The following MESD variants were observed in gnomAD, a reference collection of about 807,000 sequenced individuals.
MESD encodes the protein mesoderm development LRP chaperone, also known as LRP chaperone MESD.
A neutral mutation model predicts 12.9 loss-of-function variants in MESD; 7 were observed. The ratio of observed to expected loss-of-function variants is 0.54; its 90% CI spans 0.31 to 1.02. The LOEUF is 1.02. Ranked by LOEUF, MESD falls within the 50% of genes least tolerant of loss-of-function variation. The pLI is 0.05. For missense variants in MESD, 342 were observed against 296.7 expected (o/e 1.15, Z -1.12); for synonymous variants, 126 against 115.6 (o/e 1.09, Z -0.58).
chr15:80,957,958 C>T (rs574296905), intron 3 of MESD, among the ~76,000 whole-genome samples: 27 of 142,672 alleles, frequency 1.9e-4, no homozygotes, highest in African/African-American at 5.9e-4. Context: ...GAAACATTCT[C>T]ACTGAAACTC....
downstream of MESD, among the ~76,000 whole-genome samples, chr15:80,971,948 T>C (rs564865131): frequency 3.8e-5 from 5 of 131,994 alleles, no homozygotes; most frequent in South Asian, 2.5e-4. Context: ...AGATTCTGTC[T>C]CAAAAAAAAA....
intron 3 of MESD, among the ~76,000 whole-genome samples, chr15:80,969,261 G>T (rs1818754598): frequency 6.6e-6 from 1 of 152,032 alleles, no homozygotes; most frequent in South Asian, 2.1e-4. Flanking sequence ...TCACAGTTAG[G>T]TAAGGATGTC....
At chr15:80,960,797 T>C (rs1902071510) in intron 3 of MESD, among the ~76,000 whole-genome samples, 1 of 152,162 alleles carries the variant, frequency 6.6e-6, no homozygotes, top group Admixed American at 6.5e-5. Context: ...TGCCTCCAGA[T>C]CAATTCTACA....
intron 3 of MESD, among the ~76,000 whole-genome samples, chr15:80,955,144 A>G (rs914462766): frequency 6.6e-6 from 1 of 151,804 alleles, no homozygotes; most frequent in African/African-American, 2.4e-5. Flanking sequence ...TAGAAAAAAA[A>G]AAAAAAGTTC....
At chr15:80,974,827 A>G (rs1279854701), downstream of MESD, among the ~76,000 whole-genome samples, 2 of 151,032 alleles carry the variant, frequency 1.3e-5, no homozygotes, top group African/African-American at 4.8e-5. Context: ...AGTAAAAAGG[A>G]GCTGAATGCT....
At chr15:80,979,966 T>C (rs1167309154) in intron 2 of MESD, among the ~76,000 whole-genome samples, 1 of 152,264 alleles carries the variant, frequency 6.6e-6, no homozygotes, top group Non-Finnish European at 1.5e-5. Flanking sequence ...ACTTGGTTGT[T>C]GGACAAAAAT....
Position 80,962,102 on chromosome 15 carries a change from C to T in MESD, c.*289-9806G>A, listed in dbSNP as rs146976540. On this transcript the variant is annotated intron_variant, in intron 3 of 4. Transcript: ENST00000561312. ...TGCTGTATTCAGGAGACCCATCTCA[C>T]GTGCAGAGATGCACATAAGCTCAAA... is the stretch of plus-strand genomic sequence containing the variant. Among the ~76,000 whole-genome samples the T allele has an allele frequency of 1.2e-3, 176 of 152,252 alleles. 4 individuals carry two copies. The South Asian group carries it at 0.013, about 11-fold the overall frequency.
exon 4 of MESD, chr15:80,951,973 A>G (rs1901847693): frequency 3.1e-6 from 1 of 323,124 alleles, no homozygotes; most frequent in South Asian, 2.5e-5. Flanking sequence ...CCTTGCCCCA[A>G]GGCGGGGTGT....
At chr15:80,985,373 C>G (rs1403108977) in intron 1 of MESD, among the ~76,000 whole-genome samples, 1 of 152,186 alleles carries the variant, frequency 6.6e-6, no homozygotes, top group African/African-American at 2.4e-5. Flanking sequence ...TATCTGTTGG[C>G]TATGACACTG....
intron 2 of MESD, 113 bp downstream of exon 2, chr15:80,981,837 A>T: frequency 1.2e-6 from 1 of 813,630 alleles, no homozygotes; most frequent in Non-Finnish European, 1.9e-6. Context: ...CCTAGGCAAC[A>T]AGAGCAAAAC....
chr15:80,983,609 A>T (rs1190173194), intron 1 of MESD, among the ~76,000 whole-genome samples: 1 of 152,190 alleles, frequency 6.6e-6, no homozygotes, highest in Non-Finnish European at 1.5e-5. Context: ...TAATGGATAA[A>T]AATATTTAAA....
chr15:80,948,688 G>A, exon 5 of MESD: 2 of 1,434,734 alleles, frequency 1.4e-6, no homozygotes, highest in South Asian at 1.1e-5. Flanking sequence ...AGTGTGGCTA[G>A]GCGGTACCTG....
Position 80,969,431 on chromosome 15 carries a change from C to A in MESD, c.*288+9500G>T, listed in dbSNP as rs140337554. 1.4e-3 allele frequency among the ~76,000 whole-genome samples: 209 copies of A among 152,206 alleles called. 1 individual carries two copies. Among genetic ancestry groups the A allele is most frequent in the African/African-American group, 4.6e-3 (192 of 41,528 alleles). On this transcript the variant is annotated intron_variant, in intron 3 of 4. Coordinates refer to the MESD transcript ENST00000561312. ...GAAACTTATTGGTGTTCAGCACTTA[C>A]ATGGGGAGTGCTTGTATCAACACTT...
downstream of MESD, among the ~76,000 whole-genome samples, chr15:80,974,068 C>A (rs534150570): frequency 1.1e-4 from 16 of 152,244 alleles, no homozygotes; most frequent in East Asian, 3.9e-4. Flanking sequence ...GGTTCCCCCC[C>A]CCACTGGGGA....
At chr15:80,974,399 T>C (rs1299392522), downstream of MESD, among the ~76,000 whole-genome samples, 3 of 152,268 alleles carry the variant, frequency 2.0e-5, no homozygotes, top group African/African-American at 7.2e-5. Context: ...ATTTTGGAAT[T>C]AGAAAACAGC....
At chr15:80,959,245 C>T (rs1391880741) in intron 3 of MESD, among the ~76,000 whole-genome samples, 5 of 152,196 alleles carry the variant, frequency 3.3e-5, no homozygotes, top group Admixed American at 2.6e-4. Flanking sequence ...GTTGAAGGTG[C>T]CTCTCGCCCA....
chr15:80,947,507 G>A (rs1161601235), exon 5 of MESD: 1 of 169,614 alleles, frequency 5.9e-6, no homozygotes, highest in Non-Finnish European at 1.3e-5. Context: ...ATTTGTTCCA[G>A]AAAACTAAAG....
intron 3 of MESD, among the ~76,000 whole-genome samples, chr15:80,956,408 T>C (rs1466597216): frequency 1.3e-5 from 2 of 152,122 alleles, no homozygotes; most frequent in Admixed American, 6.5e-5. Flanking sequence ...ACAAGGAACA[T>C]GTCTACAGAA....
intron 3 of MESD, among the ~76,000 whole-genome samples, chr15:80,956,687 G>C (rs932449989): frequency 6.6e-6 from 1 of 152,154 alleles, no homozygotes. Context: ...GCAATTCTGA[G>C]ATAGCCAATT....
Sources: gnomAD v4.1 joint callset for allele counts (sites outside exome capture counted in the v4.1 genomes callset) on GRCh38, gnomAD v4.1.1 for gene constraint, MANE v1.5 for transcripts, NCBI Gene and HGNC (gene_info 2026-07-23, HGNC 2026-07-21) for gene names.